KLB: variants seen among roughly 807,000 people sequenced by gnomAD.
The protein encoded by KLB is beta-klotho.
A neutral mutation model predicts 88.4 loss-of-function variants in KLB; 44 were observed. The ratio of observed to expected loss-of-function variants is 0.50; its 90% CI spans 0.39 to 0.64. KLB has a LOEUF of 0.64. Among genes scored for constraint, KLB ranks in the 30% least tolerant of loss-of-function variants. KLB has a pLI of 0.00. For synonymous variants in KLB, 548 were observed against 513.4 expected, an observed-to-expected ratio of 1.07 and a Z score of -0.91; for missense variants, 1,137 against 1,304.8, an observed-to-expected ratio of 0.87 and a Z score of 1.98.
intron 1 of KLB, among the ~76,000 whole-genome samples, chr4:39,417,105 T>A (rs200341903): frequency 1.2e-3 from 1 of 850 alleles, no homozygotes; most frequent in African/African-American, 1.2e-3. Flanking sequence ...AAAAAAAGGA[T>A]TTTTTTAAAA....
chr4:39,437,757 G>C lies in KLB; in HGVS notation c.1367G>C (p.Gly456Ala). ...AIRLDEIRVF[G>A]YTAWSLLDGF... Reference sequence around the variant, plus strand: ...AGGTTAGATGAAATACGAGTGTTTGGTTATACTGCCTGGTCTCTCCTGGAT... The same window carrying C: ...AGGTTAGATGAAATACGAGTGTTTGCTTATACTGCCTGGTCTCTCCTGGAT... The change falls in exon 3 of 5, where the codon GGT (glycine) becomes GCT (alanine). Residue 456 changes from glycine (G) to alanine (A), a missense_variant. By Grantham distance (60) the Gly-to-Ala change is moderately conservative. Transcript: ENST00000257408. 6.2e-7 allele frequency: 1 copy of C among 1,613,496 alleles called. No homozygotes were observed.
At chr4:39,415,855 C>A (rs1027425328) in intron 1 of KLB, among the ~76,000 whole-genome samples, 1 of 151,984 alleles carries the variant, frequency 6.6e-6, no homozygotes, top group Non-Finnish European at 1.5e-5. Flanking sequence ...TGTTGGGAAA[C>A]CCTACTCTAG....
intron 3 of KLB, among the ~76,000 whole-genome samples, chr4:39,438,948 T>C (rs1350868843): frequency 6.6e-6 from 1 of 152,058 alleles, no homozygotes; most frequent in African/African-American, 2.4e-5. Context: ...GTCTTCAAGC[T>C]TCCACATGCA....
At chr4:39,429,811 T>C (rs2608819) in intron 1 of KLB, among the ~76,000 whole-genome samples, 116,540 of 152,130 alleles carry the variant, frequency 0.77, 47,272 homozygotes, top group Non-Finnish European at 0.89. Context: ...TGGAGCAAAA[T>C]TTTTTACCTT....
chr4:39,436,316 G>A (rs1440606763), intron 2 of KLB, among the ~76,000 whole-genome samples: 1 of 152,190 alleles, frequency 6.6e-6, no homozygotes, highest in African/African-American at 2.4e-5. Flanking sequence ...CCAAGTTGCA[G>A]GAAGGAACAG....
intron 1 of KLB, among the ~76,000 whole-genome samples, chr4:39,425,417 A>G (rs1349737442): frequency 6.6e-6 from 1 of 152,198 alleles, no homozygotes; most frequent in East Asian, 1.9e-4. Flanking sequence ...AACTGAGAAT[A>G]ATCAATAATT....
At position 39,449,274 on chromosome 4, in the gene KLB, T is replaced by C. The variant is rs1259515492; in HGVS notation, c.*588T>C. 2 of 150,606 alleles carry C rather than the reference T, an allele frequency of 1.3e-5. No homozygotes were observed. Among genetic ancestry groups the C allele is most frequent in the Middle Eastern group, 3.4e-3 (1 of 292 alleles). The allele number at this position is 150,606 out of a possible 1,614,324, so 9.3% of individuals were successfully genotyped here. A position where few individuals can be genotyped will look rare whatever the true frequency, so the allele number is the denominator to read the frequency against. On this transcript the variant is annotated 3_prime_UTR_variant, in exon 5 of 5. Transcript: ENST00000257408. ...GGAAACAGGTTACAGTAGGCCAAAA[T>C]TGCGCCACTGCACTCCAGCCTAGGC...
intron 1 of KLB, among the ~76,000 whole-genome samples, chr4:39,416,289 C>A (rs73238582): frequency 6.6e-6 from 1 of 151,976 alleles, no homozygotes; most frequent in Non-Finnish European, 1.5e-5. Context: ...ATTATTGTTT[C>A]TATTTTTGTG....
chr4:39,443,267 A>G (rs1162499424), intron 3 of KLB, among the ~76,000 whole-genome samples: 1 of 152,014 alleles, frequency 6.6e-6, no homozygotes, highest in Non-Finnish European at 1.5e-5. Context: ...TCACTCCTGT[A>G]ATCCCAGCAC....
intron 3 of KLB, among the ~76,000 whole-genome samples, chr4:39,444,161 TAAAC>T (rs538636151): frequency 2.2e-4 from 33 of 152,172 alleles, no homozygotes; most frequent in African/African-American, 6.0e-4. Flanking sequence ...CCGTCTCAAA[TAAAC>T]AAACAAACAA....
chr4:39,448,292 CT>C lies in KLB; in HGVS notation c.2750-4del, dbSNP rs780711614. On this transcript the variant is annotated splice_polypyrimidine_tract_variant and splice_region_variant and intron_variant, in intron 4 of 4. Coordinates refer to ENST00000257408, the MANE Select transcript of KLB (RefSeq NM_175737.4). ...TTTGTGATTAATGTTAATTTCTTAT[CT>C]TTTTCAGCATACCTGATTGATAAAG... 11 of 1,546,164 alleles carry C rather than the reference CT, an allele frequency of 7.1e-6. No individual in the cohort carries two copies. The highest frequency in any genetic ancestry group is 8.7e-6 in the Non-Finnish European group (10 of 1,144,740).
chr4:39,419,646 T>C lies in KLB; in HGVS notation c.825+11872T>C, dbSNP rs1743035445. 1.3e-5 allele frequency among the ~76,000 whole-genome samples: 2 copies of C among 151,602 alleles called. 1 individual carries two copies. The highest frequency in any genetic ancestry group is 1.3e-4 in the Admixed American group (2 of 15,162). On this transcript the variant is annotated intron_variant, in intron 1 of 4. Coordinates refer to ENST00000257408, the MANE Select transcript of KLB (RefSeq NM_175737.4). ...GAAAAATAAGCTGGGTATGGTGGCG[T>C]GTGCCTGTAATCCCAGCTACTCGGG...
intron 1 of KLB, among the ~76,000 whole-genome samples, chr4:39,428,337 A>G (rs1578207475): frequency 6.6e-6 from 1 of 152,060 alleles, no homozygotes; most frequent in South Asian, 2.1e-4. Flanking sequence ...CTGAGGCAGA[A>G]GAATCGCTTC....
Position 39,437,881 on chromosome 4 carries a change from C to T in KLB, c.1491C>T (p.His497=). Residue 497 remains histidine, a synonymous_variant, in exon 3 of 5, where the codon CAC becomes CAT. Transcript: ENST00000257408. ...AGCGGAAACCTAAGTCTTCAGCACA[C>T]TACTACAAACAGATCATACGAGAAA... is the stretch of plus-strand genomic sequence containing the variant. The part of the protein sequence containing the change: ...QKERKPKSSA[H]YYKQIIRENG... 6.2e-7 allele frequency: 1 copy of T among 1,614,228 alleles called. No homozygotes were observed. The highest frequency in any genetic ancestry group is 8.5e-7 in the Non-Finnish European group (1 of 1,180,036).
In KLB at chr4:39,447,051, G is replaced by A. The variant is rs1329568620; in HGVS notation, c.2325G>A (p.Pro775=). ...LQFEIAWFAE[P]LFKTGDYPAA... ...TCGAGATCGCCTGGTTCGCCGAGCC[G>A]CTCTTCAAGACCGGGGACTACCCCG... Residue 775 remains proline (P), a synonymous_variant, in exon 4 of 5, where the codon CCG becomes CCA. Coordinates refer to ENST00000257408, the MANE Select transcript of KLB (RefSeq NM_175737.4). 1.9e-6 allele frequency: 3 copies of A among 1,612,470 alleles called. No homozygotes were observed. The highest frequency in any genetic ancestry group is 2.2e-5 in the East Asian group (1 of 44,886).
In KLB at chr4:39,430,409, G is replaced by GAAAAAAAAAAAA. The variant is rs4008368; in HGVS notation, c.826-3800_826-3789dup. Among the ~76,000 whole-genome samples, 36 of 134,080 alleles carry GAAAAAAAAAAAA rather than the reference G, an allele frequency of 2.7e-4. 13 individuals are homozygous for GAAAAAAAAAAAA. Among genetic ancestry groups the GAAAAAAAAAAAA allele is most frequent in the Admixed American group, 3.3e-4 (4 of 12,272 alleles). 88.0% of individuals were successfully genotyped at this position (134,080 alleles called of 152,430 possible). A position where few individuals can be genotyped will look rare whatever the true frequency, so the allele number is the denominator to read the frequency against. ...TTATGACTGCTTTTGTTTCTAATTA[G>GAAAAAAAAAAAA]AAAAAAAAAAAAGCGGTTCTCAAGA... On this transcript the variant is annotated intron_variant, in intron 1 of 4. Coordinates refer to ENST00000257408, the MANE Select transcript of KLB (RefSeq NM_175737.4).
chr4:39,441,342 G>A (rs1743592475), intron 3 of KLB, among the ~76,000 whole-genome samples: 1 of 152,036 alleles, frequency 6.6e-6, no homozygotes, highest in Non-Finnish European at 1.5e-5. Context: ...TTTGCTAAAT[G>A]CTCCAAAAAT....
intron 1 of KLB, among the ~76,000 whole-genome samples, chr4:39,410,928 G>A (rs1742826368): frequency 6.6e-6 from 1 of 152,204 alleles, no homozygotes; most frequent in Non-Finnish European, 1.5e-5. Flanking sequence ...TCCCAAGGCT[G>A]ACTTGCAATT....
intron 1 of KLB, among the ~76,000 whole-genome samples, chr4:39,418,237 C>A (rs1743004285): frequency 6.6e-6 from 1 of 152,062 alleles, no homozygotes; most frequent in African/African-American, 2.4e-5. Context: ...GTGCCCTTGA[C>A]AATATCTTTT....
Sources: allele counts gnomAD v4.1 joint callset (sites outside exome capture counted in the v4.1 genomes callset), GRCh38; gene constraint gnomAD v4.1.1; transcripts MANE v1.5; gene names NCBI Gene and HGNC (gene_info 2026-07-23, HGNC 2026-07-21).